Variants in ANKRD45 observed in about 807,000 individuals in gnomAD.
ANKRD45 encodes ankyrin repeat domain 45.
In ANKRD45, 21 loss-of-function variants were observed where a neutral mutation model predicts 28.1. That is an observed-to-expected ratio of 0.75 (90% CI 0.53 to 1.08). The LOEUF is 1.08. ANKRD45 is among the 50% of genes least tolerant of loss of function. The pLI, the probability that ANKRD45 is intolerant of heterozygous loss-of-function variation, is 0.00. For synonymous variants in ANKRD45, 86 were observed against 103.9 expected (o/e 0.83, Z 1.05); for missense variants, 261 against 308.7 (o/e 0.85, Z 1.16).
chr1:173,648,454 T>A (rs1036941355), intron 2 of ANKRD45, among the ~76,000 whole-genome samples: 2 of 152,262 alleles, frequency 1.3e-5, no homozygotes, highest in Non-Finnish European at 2.9e-5. Flanking sequence ...CATGCTTTTC[T>A]GACAGTGAAT....
rs1337327176 is a variant in ANKRD45 at position 173,613,572 on chromosome 1, CG to C, written c.731-3358del. 1.4e-4 allele frequency among the ~76,000 whole-genome samples: 20 copies of C among 145,576 alleles called. 1 individual carries two copies. Among genetic ancestry groups the C allele is most frequent in the African/African-American group, 4.9e-4 (18 of 37,024 alleles). On this transcript the variant is annotated intron_variant, in intron 5 of 5. Coordinates refer to ENST00000333279, the MANE Select transcript of ANKRD45 (RefSeq NM_198493.3). ...GGAGGTGGGGGGTCAGCCCCCCCCCCGGCCAGCCGCCCCGTCCGGGAGGGAG... is the reference window on the plus strand; with the variant it reads ...GGAGGTGGGGGGTCAGCCCCCCCCCCGCCAGCCGCCCCGTCCGGGAGGGAG...
chr1:173,673,675 T>C (rs1249188580), upstream of ANKRD45, among the ~76,000 whole-genome samples: 1 of 152,106 alleles, frequency 6.6e-6, no homozygotes, highest in Non-Finnish European at 1.5e-5. Context: ...GTCACCTACC[T>C]AAGACCACAC....
At chr1:173,667,706 T>TAA (rs76892513) in intron 1 of ANKRD45, 35 of 370,712 alleles carry the variant, frequency 9.4e-5, no homozygotes, top group Middle Eastern at 3.7e-4. Context: ...GACCCCATCT[T>TAA]AAAAAAAAAA....
At chr1:173,637,633 C>T (rs1480588973) in intron 3 of ANKRD45, among the ~76,000 whole-genome samples, 7 of 152,168 alleles carry the variant, frequency 4.6e-5, no homozygotes, top group Non-Finnish European at 7.4e-5. Flanking sequence ...TGTGAGGTCC[C>T]ATTCCAGCCA....
In ANKRD45 at chr1:173,609,929, G is replaced by C; in HGVS notation, c.*216C>G. On this transcript the variant is annotated 3_prime_UTR_variant, in exon 6 of 6. Transcript: ENST00000333279. ...TATACCCAAGTGCTTTCCTGAAGGA[G>C]CACGTGAAACTCACATGGGGCTGTG... is the stretch of plus-strand genomic sequence containing the variant. The C allele has an allele frequency of 3.7e-6, 2 of 538,012 alleles. No homozygotes were observed. Among genetic ancestry groups the C allele is most frequent in the East Asian group, 6.1e-5 (2 of 32,956 alleles). The allele number at this position is 538,012 out of a possible 1,614,324, so 33.3% of individuals were successfully genotyped here.
At chr1:173,640,425 G>A (rs977151370) in intron 3 of ANKRD45, among the ~76,000 whole-genome samples, 1 of 151,802 alleles carries the variant, frequency 6.6e-6, no homozygotes, top group African/African-American at 2.4e-5. Flanking sequence ...GCTGAGAAAG[G>A]ATGGACCCAC....
chr1:173,635,785 C>T (rs773660051), intron 3 of ANKRD45: 27 of 1,535,120 alleles, frequency 1.8e-5, no homozygotes, highest in South Asian at 8.3e-5. Flanking sequence ...CTGTCTTCTT[C>T]GTCTTATTTG....
rs554537295 is a variant in ANKRD45 at position 173,651,834 on chromosome 1, C to G, written c.329-4821G>C. Among the ~76,000 whole-genome samples the G allele has an allele frequency of 3.8e-3, 574 of 152,056 alleles. 3 individuals are homozygous for G. Among genetic ancestry groups the G allele is most frequent in the African/African-American group, 0.012 (509 of 41,516 alleles). Reference sequence around the variant, plus strand: ...ACATCCCTTGTAAGTTGGATTCCTACGTATTTTATTCTCTTTGTAGCAATT... The same window carrying G: ...ACATCCCTTGTAAGTTGGATTCCTAGGTATTTTATTCTCTTTGTAGCAATT... On this transcript the variant is annotated intron_variant, in intron 2 of 5. Coordinates refer to ENST00000333279, the MANE Select transcript of ANKRD45 (RefSeq NM_198493.3).
At chr1:173,707,913 C>A in the ANKRD45 span, among the ~76,000 whole-genome samples, 7 of 152,198 alleles carry the variant, frequency 4.6e-5, no homozygotes, top group African/African-American at 1.4e-4. Context: ...ATTTATTAAA[C>A]AGTGCCTATT....
rs369477359 is a variant in ANKRD45 at position 173,659,321 on chromosome 1, G to T, written c.98C>A (p.Thr33Lys). The T allele has an allele frequency of 4.3e-6, 7 of 1,613,250 alleles. No individual in the cohort carries two copies. In the African/African-American group the frequency reaches 5.3e-5, roughly 12 times the overall value. ...TTGTAAAAGGGGGTTCTTAGGGCCT[G>T]TTTCCTCTGGTTCTTGGGCTTCTTC... ...EEEEAQEPEE[T>K]GPKNPLLQPA... Residue 33 changes from threonine to lysine, a missense_variant, in exon 2 of 6, where the codon ACA becomes AAA. Transcript: ENST00000333279.
chr1:173,683,265 T>C, the ANKRD45 span, among the ~76,000 whole-genome samples: 1 of 152,148 alleles, frequency 6.6e-6, no homozygotes, highest in African/African-American at 2.4e-5. Flanking sequence ...TACCTAAAGA[T>C]GGGTCTCAGG....
chr1:173,611,678 A>ACACCACAAACCACGCACC (rs1667164302), intron 5 of ANKRD45, among the ~76,000 whole-genome samples: 1 of 152,086 alleles, frequency 6.6e-6, no homozygotes, highest in African/African-American at 2.4e-5. Context: ...CTAAAACTAC[A>ACACCACAAACCACGCACC]AAACTCTCAG....
At chr1:173,704,637 T>C in the ANKRD45 span, among the ~76,000 whole-genome samples, 1 of 152,202 alleles carries the variant, frequency 6.6e-6, no homozygotes, top group African/African-American at 2.4e-5. Context: ...TGCACTTCAG[T>C]TGTGCCAAGG....
rs775112392 is a variant in ANKRD45, at chr1:173,659,271, C to T, written c.148G>A (p.Gly50Ser). The change falls in exon 2 of 6, where the codon GGT (glycine) becomes AGT (serine). Residue 50 changes from glycine to serine, a missense_variant. Coordinates refer to ENST00000333279, the MANE Select transcript of ANKRD45 (RefSeq NM_198493.3). ...LQPALTGDVE[G>S]LQKIFEDPEN... ...GGATCCTCAAATATCTTCTGCAAAC[C>T]CTCTACATCCCCTGTGAGAGCAGGT... The T allele has an allele frequency of 1.7e-5, 28 of 1,613,912 alleles. No individual in the cohort carries two copies. Among genetic ancestry groups the T allele is most frequent in the Non-Finnish European group, 2.3e-5 (27 of 1,180,006 alleles).
At chr1:173,634,671 T>C (rs1208194257) in intron 3 of ANKRD45, among the ~76,000 whole-genome samples, 2 of 152,028 alleles carry the variant, frequency 1.3e-5, no homozygotes, top group African/African-American at 4.8e-5. Flanking sequence ...AGTTCTCATT[T>C]AGTAAAATCT....
chr1:173,696,339 T>C, the ANKRD45 span, among the ~76,000 whole-genome samples: 4 of 152,240 alleles, frequency 2.6e-5, no homozygotes, highest in African/African-American at 9.6e-5. Flanking sequence ...GACTTAGTCA[T>C]AAATTATTTG....
rs1162142425 is a variant in ANKRD45, at chr1:173,610,158, T to C, written c.788A>G (p.Asp263Gly). The C allele has an allele frequency of 3.7e-6, 6 of 1,614,056 alleles. No homozygotes were observed. The highest frequency in any genetic ancestry group is 5.1e-6 in the Non-Finnish European group (6 of 1,179,998). The change falls in exon 6 of 6, where the codon GAT becomes GGT. Residue 263 changes from aspartate (D) to glycine (G), a missense_variant. Coordinates refer to ENST00000333279, the MANE Select transcript of ANKRD45 (RefSeq NM_198493.3). ...TSHDQKRSQD[D>G]TSN ...CAGAACGTATGTTCAGTTGGAGGTA[T>C]CATCTTGACTTCTCTTCTGGTCATG...
intron 3 of ANKRD45, among the ~76,000 whole-genome samples, chr1:173,633,624 C>G (rs979965340): frequency 6.6e-6 from 1 of 152,108 alleles, no homozygotes; most frequent in South Asian, 2.1e-4. Context: ...GTAACCAAAA[C>G]AGCATGGGAC....
At chr1:173,689,095 C>T in the ANKRD45 span, among the ~76,000 whole-genome samples, 3 of 152,342 alleles carry the variant, frequency 2.0e-5, no homozygotes, top group South Asian at 6.2e-4. Context: ...CCCTGACCCC[C>T]CTACTCTTCC....
Sources: gnomAD v4.1 joint callset for allele counts (sites outside exome capture counted in the v4.1 genomes callset) on GRCh38, gnomAD v4.1.1 for gene constraint, MANE v1.5 for transcripts, NCBI Gene and HGNC (gene_info 2026-07-23, HGNC 2026-07-21) for gene names.